The following WDR82 variants were observed in gnomAD, a reference collection of about 807,000 sequenced individuals.
WDR82 encodes the protein WD repeat-containing protein 82.
WDR82 carries 8 observed loss-of-function variants against 36.1 expected under a neutral mutation model. The ratio of observed to expected loss-of-function variants is 0.22; its 90% CI spans 0.13 to 0.40. The LOEUF (loss-of-function observed/expected upper bound fraction) is 0.40. Ranked by LOEUF, WDR82 falls within the 10% of genes least tolerant of loss-of-function variation. The pLI is 1.00. For synonymous variants in WDR82, 129 were observed against 137.8 expected, an observed-to-expected ratio of 0.94 and a Z score of 0.45; for missense variants, 185 against 400.5, an observed-to-expected ratio of 0.46 and a Z score of 4.59.
At position 52,261,391 on chromosome 3, in the gene WDR82, G is replaced by C. The variant is rs979423689; in HGVS notation, c.415C>G (p.Pro139Ala). The change falls in exon 4 of 9, where the codon CCT (proline) becomes GCT (alanine). Residue 139 changes from proline to alanine, a missense_variant. By Grantham distance (27) the Pro-to-Ala change is conservative. This residue lies in a region of WDR82 where 26 missense variants were observed against 107.4 expected (regional missense o/e 0.24). Transcript: ENST00000296490. Reference protein sequence around the residue: ...KTIRLWDLRSPNCQGLMHLQG... With the variant: ...KTIRLWDLRSANCQGLMHLQG... ...TGAGGTACCATTACCTGGCAGTTAG[G>C]AGACCGGAGATCCCAGAGTCGAATG... is the stretch of plus-strand genomic sequence containing the variant. 1.2e-6 allele frequency: 2 copies of C among 1,611,210 alleles called. No individual in the cohort carries two copies. Among genetic ancestry groups the C allele is most frequent in the African/African-American group, 1.3e-5 (1 of 74,570 alleles).
At chr3:52,274,590 A>G (rs1219246533) in intron 1 of WDR82, among the ~76,000 whole-genome samples, 1 of 151,652 alleles carries the variant, frequency 6.6e-6, no homozygotes, top group Non-Finnish European at 1.5e-5. Flanking sequence ...AAAAAAACAA[A>G]ACAAAACAAA....
intron 1 of WDR82, among the ~76,000 whole-genome samples, chr3:52,271,117 T>C (rs965961111): frequency 6.6e-6 from 1 of 152,218 alleles, no homozygotes; most frequent in Non-Finnish European, 1.5e-5. Context: ...TCATGTGCCA[T>C]GTGATGACAT....
In WDR82 at chr3:52,266,946, T is replaced by C. The variant is rs758355416; in HGVS notation, c.326+6A>G. The C allele has an allele frequency of 1.2e-6, 2 of 1,608,178 alleles. No homozygotes were observed. The highest frequency in any genetic ancestry group is 2.2e-5 in the South Asian group (2 of 90,796). ...ACTATCTGCTTCTATAATACGTGGG[T>C]CTTACCTTTTGCTATGTCCAGGAAA... On this transcript the variant is annotated splice_donor_region_variant and intron_variant, in intron 3 of 8. Coordinates refer to ENST00000296490, the MANE Select transcript of WDR82 (RefSeq NM_025222.4).
intron 3 of WDR82, among the ~76,000 whole-genome samples, chr3:52,265,564 A>C (rs1299673479): frequency 1.4e-5 from 2 of 147,922 alleles, no homozygotes; most frequent in African/African-American, 5.0e-5. Context: ...CTGGAAGTGC[A>C]ACTTTTTTTT....
intron 1 of WDR82, among the ~76,000 whole-genome samples, chr3:52,274,582 AAAAAC>A (rs755336803): frequency 6.6e-5 from 10 of 152,004 alleles, no homozygotes; most frequent in South Asian, 2.1e-4. Flanking sequence ...AAACAAACAA[AAAAAC>A]AAAACAAAAC....
chr3:52,268,243 C>G, intron 2 of WDR82: 1 of 458,850 alleles, frequency 2.2e-6, no homozygotes, highest in Non-Finnish European at 4.6e-6. Flanking sequence ...TGACGCCATC[C>G]TCTCAGCCCC....
At chr3:52,260,211 C>A (rs536586406) in intron 5 of WDR82, among the ~76,000 whole-genome samples, 174 bp downstream of exon 5, 1 of 152,252 alleles carries the variant, frequency 6.6e-6, no homozygotes, top group South Asian at 2.1e-4. Context: ...CACGTGTAAT[C>A]CCAGCTACTT....
At chr3:52,257,915 T>C (rs1700027788) in intron 8 of WDR82, among the ~76,000 whole-genome samples, 1 of 152,026 alleles carries the variant, frequency 6.6e-6, no homozygotes, top group African/African-American at 2.4e-5. Context: ...TTTTGCTGTA[T>C]TTTTTCTAAC....
rs1699986592 is a variant in WDR82 at position 52,254,467 on chromosome 3, T to C, written c.*3023A>G. 6.6e-6 allele frequency: 1 copy of C among 152,590 alleles called. No homozygotes were observed. Among genetic ancestry groups the C allele is most frequent in the South Asian group, 2.1e-4 (1 of 4,828 alleles). The allele number at this position is 152,590 out of a possible 1,614,324, so 9.5% of individuals were successfully genotyped here. ...AAGACTGTAACATGGAAAAAATGTT[T>C]ATACGTTAAGTACAAAAGGGACATA... On this transcript the variant is annotated 3_prime_UTR_variant, in exon 9 of 9. Transcript: ENST00000296490.
chr3:52,258,738 A>C, intron 7 of WDR82, 60 bp from the exon 8 acceptor site: 1 of 1,608,608 alleles, frequency 6.2e-7, no homozygotes, highest in Non-Finnish European at 8.5e-7. Flanking sequence ...GACAACTGGA[A>C]ATGAGACATG....
intron 1 of WDR82, 45 bp downstream of exon 1, chr3:52,278,156 G>C: frequency 1.3e-6 from 2 of 1,523,266 alleles, no homozygotes; most frequent in Non-Finnish European, 1.8e-6. Flanking sequence ...TGGGCCACCG[G>C]AGGGAGGCAC....
At chr3:52,266,397 A>G (rs1220135681) in intron 3 of WDR82, among the ~76,000 whole-genome samples, 4 of 152,076 alleles carry the variant, frequency 2.6e-5, no homozygotes, top group African/African-American at 9.7e-5. Context: ...AAATATATAT[A>G]TCTAACTAGA....
At chr3:52,272,271 T>C (rs1700160994) in intron 1 of WDR82, among the ~76,000 whole-genome samples, 2 of 152,152 alleles carry the variant, frequency 1.3e-5, no homozygotes, top group African/African-American at 4.8e-5. Flanking sequence ...AGGCTGGGCG[T>C]GGTGGCTCAC....
At position 52,269,663 on chromosome 3, in the gene WDR82, G is replaced by A. The variant is rs1578009873; in HGVS notation, c.259+1049C>T. 3.3e-5 allele frequency among the ~76,000 whole-genome samples: 5 copies of A among 152,268 alleles called. No individual in the cohort carries two copies. In the East Asian group the frequency reaches 9.7e-4, roughly 29 times the overall value. On this transcript the variant is annotated intron_variant, in intron 2 of 8. Transcript: ENST00000296490. Reference sequence around the variant, plus strand: ...GAGAATTACTTGAACCCGGGAGGCGGAGGTTGCAGCGAGCTGAGATCGCGC... The same window carrying A: ...GAGAATTACTTGAACCCGGGAGGCGAAGGTTGCAGCGAGCTGAGATCGCGC...
rs1261864551 is a variant in WDR82, at chr3:52,255,047, A to G, written c.*2443T>C. The G allele has an allele frequency of 1.3e-5, 2 of 151,938 alleles. No homozygotes were observed. Among genetic ancestry groups the G allele is most frequent in the African/African-American group, 4.8e-5 (2 of 41,340 alleles). The allele number at this position is 151,938 out of a possible 1,614,324, so 9.4% of individuals were successfully genotyped here. On this transcript the variant is annotated 3_prime_UTR_variant, in exon 9 of 9. Coordinates refer to ENST00000296490, the MANE Select transcript of WDR82 (RefSeq NM_025222.4). ...AACCTCCGCCTCCTGGGTTCAAGCA[A>G]TTCTCCTGCCTCAGCCTCCCAAGTA...
At chr3:52,260,347 A>G (rs769595642) in intron 5 of WDR82, 38 bp downstream of exon 5, 15 of 1,469,908 alleles carry the variant, frequency 1.0e-5, no homozygotes, top group Middle Eastern at 2.0e-4. Flanking sequence ...AAACAAAACA[A>G]AAAACAGCTC....
Position 52,257,349 on chromosome 3 carries a change from C to G in WDR82, c.*141G>C. The stretch of plus-strand genomic sequence containing the variant: ...AATTATTTTCTTTTGAGCAGATGTA[C>G]AGCACATCCATGGGAAGGCCATGTA... On this transcript the variant is annotated 3_prime_UTR_variant, in exon 9 of 9. Transcript: ENST00000296490. The G allele has an allele frequency of 8.8e-7, 1 of 1,142,304 alleles. No individual in the cohort carries two copies. The highest frequency in any genetic ancestry group is 1.5e-5 in the African/African-American group (1 of 65,022). The allele number at this position is 1,142,304 out of a possible 1,614,324, so 70.8% of individuals were successfully genotyped here. A position where few individuals can be genotyped will look rare whatever the true frequency, so the allele number is the denominator to read the frequency against.
intron 3 of WDR82, among the ~76,000 whole-genome samples, chr3:52,265,103 A>C (rs1700093717): frequency 6.6e-6 from 1 of 151,896 alleles, no homozygotes; most frequent in Non-Finnish European, 1.5e-5. Flanking sequence ...ATCAGGGACC[A>C]TCCTGGGTAA....
intron 3 of WDR82, among the ~76,000 whole-genome samples, chr3:52,265,596 G>A (rs1700098918): frequency 7.2e-6 from 1 of 138,168 alleles, no homozygotes; most frequent in Non-Finnish European, 1.5e-5. Flanking sequence ...TTTTGAGACA[G>A]GGTCTTGCTC....
Sources: gnomAD v4.1 joint callset for allele counts (sites outside exome capture counted in the v4.1 genomes callset) on GRCh38, gnomAD v4.1.1 for gene constraint, gnomAD v4.1.1 regional missense constraint, MANE v1.5 for transcripts, NCBI Gene and HGNC (gene_info 2026-07-23, HGNC 2026-07-21) for gene names.